GNA15: variants seen among roughly 807,000 people sequenced by gnomAD.
GNA15 encodes guanine nucleotide-binding protein subunit alpha-15.
A neutral mutation model predicts 40.1 loss-of-function variants in GNA15; 23 were observed. That is an observed-to-expected ratio of 0.57 (90% CI 0.41 to 0.81). The LOEUF (loss-of-function observed/expected upper bound fraction) is 0.81, where lower values mean the gene tolerates loss of function less well. Ranked by LOEUF, GNA15 falls within the 40% of genes least tolerant of loss-of-function variation. The pLI, the probability that GNA15 is intolerant of heterozygous loss-of-function variation, is 0.00. For missense variants in GNA15, 522 were observed against 515.8 expected, an observed-to-expected ratio of 1.01 and a Z score of -0.12; for synonymous variants, 226 against 210.4, an observed-to-expected ratio of 1.07 and a Z score of -0.64.
chr19:3,154,146 AGATG>A (rs140018405), intron 4 of GNA15, among the ~76,000 whole-genome samples: 3,452 of 138,536 alleles, frequency 0.025, 148 homozygotes, highest in African/African-American at 0.087. Flanking sequence ...GTGGATGGAT[AGATG>A]GATGGATGGG....
chr19:3,155,674 C>CG lies in GNA15; in HGVS notation c.615-146dup. ...GGGCGTAAGACTCATCCTTGCCTCG[C>CG]GGGAATGACATGGCAAATCCACGAG... is the stretch of plus-strand genomic sequence containing the variant. On this transcript the variant is annotated intron_variant, in intron 4 of 6. Coordinates refer to ENST00000262958, the MANE Select transcript of GNA15 (RefSeq NM_002068.4). The surrounding 1 kb of genome is among the most constrained non-coding windows in gnomAD (Gnocchi z 5.6). 1.1e-6 allele frequency: 1 copy of CG among 872,564 alleles called. No individual in the cohort carries two copies. The allele number at this position is 872,564 out of a possible 1,614,324, so 54.1% of individuals were successfully genotyped here.
rs900295182 is a variant in GNA15 at position 3,163,237 on chromosome 19, C to T, written c.*218C>T. ...GCCCTTGCTTGACTCAGTTTCCCTC[C>T]TTTGAAAGGGAAGGAGCAAAACGGC... is the stretch of plus-strand genomic sequence containing the variant. On this transcript the variant is annotated 3_prime_UTR_variant, in exon 7 of 7. Coordinates refer to ENST00000262958, the MANE Select transcript of GNA15 (RefSeq NM_002068.4). 6.9e-6 allele frequency: 4 copies of T among 576,154 alleles called. No individual in the cohort carries two copies. The highest frequency in any genetic ancestry group is 1.2e-5 in the Non-Finnish European group (4 of 322,478). The allele number at this position is 576,154 out of a possible 1,614,324, so 35.7% of individuals were successfully genotyped here.
intron 6 of GNA15, among the ~76,000 whole-genome samples, chr19:3,160,372 C>T (rs1193550384): frequency 6.6e-6 from 1 of 152,158 alleles, no homozygotes; most frequent in East Asian, 1.9e-4. Flanking sequence ...GCCTCATGAT[C>T]CACAGCCTCT....
At chr19:3,158,195 G>A (rs141559216) in intron 6 of GNA15, among the ~76,000 whole-genome samples, 1 of 152,252 alleles carries the variant, frequency 6.6e-6, no homozygotes. Context: ...CTGTCACCAG[G>A]CTGGAGTGCA....
chr19:3,145,359 A>ATATATATATACTT, intron 1 of GNA15, among the ~76,000 whole-genome samples: 6 of 46,972 alleles, frequency 1.3e-4, no homozygotes, highest in African/African-American at 5.5e-4. Context: ...ATATATATAT[A>ATATATATATACTT]TTTTTTTTTT....
At position 3,163,117 on chromosome 19, in the gene GNA15, G is replaced by T; in HGVS notation, c.*98G>T. 2 of 768,536 alleles carry T rather than the reference G, an allele frequency of 2.6e-6. No individual in the cohort carries two copies. The highest frequency in any genetic ancestry group is 4.4e-6 in the Non-Finnish European group (2 of 452,132). 47.6% of individuals were successfully genotyped at this position (768,536 alleles called of 1,614,324 possible). A position where few individuals can be genotyped will look rare whatever the true frequency, so the allele number is the denominator to read the frequency against. ...GTCCCTGGTCTATCTCTCCAGCCTCGGCCCACACGCAAGGGAGTCGGGGGA... is the reference window on the plus strand; with the variant it reads ...GTCCCTGGTCTATCTCTCCAGCCTCTGCCCACACGCAAGGGAGTCGGGGGA... On this transcript the variant is annotated 3_prime_UTR_variant, in exon 7 of 7. Transcript: ENST00000262958.
chr19:3,150,146 G>T lies in GNA15; in HGVS notation c.346G>T (p.Val116Phe). 1 of 1,613,306 alleles carries T rather than the reference G, an allele frequency of 6.2e-7. No homozygotes were observed. The change falls in exon 3 of 7, where the codon GTC becomes TTC. Residue 116 changes from valine to phenylalanine, a missense_variant. By Grantham distance (50) the Val-to-Phe change is conservative. Coordinates refer to ENST00000262958, the MANE Select transcript of GNA15 (RefSeq NM_002068.4). Reference sequence around the variant, plus strand: ...CCCTCCCCAGCACCACGCTAGCCTGGTCATGAGCCAGGACCCCTATAAAGT... The same window carrying T: ...CCCTCCCCAGCACCACGCTAGCCTGTTCATGAGCCAGGACCCCTATAAAGT... ...RPESKHHASL[V>F]MSQDPYKVTT...
intron 1 of GNA15, among the ~76,000 whole-genome samples, chr19:3,147,720 A>C (rs1314605296): frequency 1.3e-5 from 2 of 151,700 alleles, no homozygotes; most frequent in Admixed American, 6.6e-5. Context: ...CCCCGTCTCT[A>C]CTAAAAATAC....
At chr19:3,154,034 T>C (rs1914943811) in intron 4 of GNA15, among the ~76,000 whole-genome samples, 1 of 143,364 alleles carries the variant, frequency 7.0e-6, no homozygotes, top group Non-Finnish European at 1.5e-5. Flanking sequence ...ATGGGTGGAT[T>C]GAGTAAATGG....
rs1251244136 is a variant in GNA15 at position 3,151,876 on chromosome 19, G to A, written c.614+41G>A. 7 of 1,492,676 alleles carry A rather than the reference G, an allele frequency of 4.7e-6. No homozygotes were observed. In the South Asian group the frequency reaches 6.1e-5, roughly 13 times the overall value. The allele number at this position is 1,492,676 out of a possible 1,614,324, so 92.5% of individuals were successfully genotyped here. On this transcript the variant is annotated intron_variant, in intron 4 of 6. Coordinates refer to ENST00000262958, the MANE Select transcript of GNA15 (RefSeq NM_002068.4). The surrounding 1 kb of genome is among the most constrained non-coding windows in gnomAD (Gnocchi z 5.0). ...AGGCCCAGCCTAGGGGGCAGGGAAG[G>A]CTTCCTGTAGGAAGGGCAAAGGAGC...
At chr19:3,152,399 T>C (rs1914901954) in intron 4 of GNA15, among the ~76,000 whole-genome samples, 1 of 152,096 alleles carries the variant, frequency 6.6e-6, no homozygotes, top group African/African-American at 2.4e-5. Context: ...AAGTCAAAAA[T>C]GACACCTGAG....
rs1914469213 is a variant in GNA15, at chr19:3,136,828, G to C, written c.145+233G>C. 6.6e-6 allele frequency among the ~76,000 whole-genome samples: 1 copy of C among 152,256 alleles called. No homozygotes were observed. Among genetic ancestry groups the C allele is most frequent in the Admixed American group, 6.5e-5 (1 of 15,290 alleles). ...GACCAGCGGCCAGGTGCCCAGGCCT[G>C]TCCACTGTGTGGGGCATATACAATA... On this transcript the variant is annotated intron_variant, in intron 1 of 6. Coordinates refer to ENST00000262958, the MANE Select transcript of GNA15 (RefSeq NM_002068.4). The surrounding 1 kb of genome is among the most constrained non-coding windows in gnomAD (Gnocchi z 4.9).
rs1481168204 is a variant in GNA15, at chr19:3,136,621, G to T, written c.145+26G>T. ...GTGAGTCCAGGGTCGGTGGGCGGTGGGTGGTGGGCAGTGGGCGGTGGCCAG... is the reference window on the plus strand; with the variant it reads ...GTGAGTCCAGGGTCGGTGGGCGGTGTGTGGTGGGCAGTGGGCGGTGGCCAG... On this transcript the variant is annotated intron_variant, in intron 1 of 6. Coordinates refer to ENST00000262958, the MANE Select transcript of GNA15 (RefSeq NM_002068.4). This position sits in a 1 kb window ranked among gnomAD's most constrained non-coding sequence, Gnocchi z 4.9. 2 of 1,542,734 alleles carry T rather than the reference G, an allele frequency of 1.3e-6. No homozygotes were observed. The highest frequency in any genetic ancestry group is 3.9e-5 in the Admixed American group (2 of 50,862).
At position 3,155,715 on chromosome 19, in the gene GNA15, C is replaced by G. The variant is rs1016821333; in HGVS notation, c.615-108C>G. The stretch of plus-strand genomic sequence containing the variant: ...AATCCACGAGAGGCTAGCACCTATT[C>G]TTGCTGTCGCTATTATGGATCTTGG... On this transcript the variant is annotated intron_variant, in intron 4 of 6. Coordinates refer to ENST00000262958, the MANE Select transcript of GNA15 (RefSeq NM_002068.4). The surrounding 1 kb of genome is among the most constrained non-coding windows in gnomAD (Gnocchi z 5.6). 1.3e-5 allele frequency: 17 copies of G among 1,289,922 alleles called. No homozygotes were observed. In the African/African-American group the frequency reaches 2.4e-4, roughly 18 times the overall value. The allele number at this position is 1,289,922 out of a possible 1,614,324, so 79.9% of individuals were successfully genotyped here. A position where few individuals can be genotyped will look rare whatever the true frequency, so the allele number is the denominator to read the frequency against.
At chr19:3,153,992 A>G (rs1363802361) in intron 4 of GNA15, among the ~76,000 whole-genome samples, 1 of 151,040 alleles carries the variant, frequency 6.6e-6, no homozygotes, top group Non-Finnish European at 1.5e-5. Context: ...AGATGGGTGG[A>G]TGGATAGATG....
At chr19:3,144,244 C>G (rs1914646216) in intron 1 of GNA15, among the ~76,000 whole-genome samples, 1 of 152,064 alleles carries the variant, frequency 6.6e-6, no homozygotes, top group African/African-American at 2.4e-5. Flanking sequence ...TCACAATTCC[C>G]TCTGCTACTA....
At position 3,143,432 on chromosome 19, in the gene GNA15, C is replaced by T. The variant is rs554248731; in HGVS notation, c.146-5159C>T. ...TTTGGGAGGCCAAGGCAAGTGGATC[C>T]CTTGAGGCCAGGAGTTCGAGACCAG... On this transcript the variant is annotated intron_variant, in intron 1 of 6. Transcript: ENST00000262958. Among the ~76,000 whole-genome samples the T allele has an allele frequency of 4.0e-5, 6 of 151,582 alleles. No individual in the cohort carries two copies. In the South Asian group the frequency reaches 1.3e-3, roughly 32 times the overall value.
chr19:3,155,498 G>A lies in GNA15; in HGVS notation c.615-325G>A, dbSNP rs571318088. ...TTGGAGATGTTTGGCAATTTCCTCC[G>A]CCGGGTCGCCCAGCCAGCACCAGGG... On this transcript the variant is annotated intron_variant, in intron 4 of 6. Coordinates refer to ENST00000262958, the MANE Select transcript of GNA15 (RefSeq NM_002068.4). The surrounding 1 kb of genome is among the most constrained non-coding windows in gnomAD (Gnocchi z 5.6). Among the ~76,000 whole-genome samples, 1 of 152,230 alleles carries A rather than the reference G, an allele frequency of 6.6e-6. No homozygotes were observed. Among genetic ancestry groups the A allele is most frequent in the Admixed American group, 6.5e-5 (1 of 15,288 alleles).
At chr19:3,150,457 T>TG (rs1914854269) in intron 3 of GNA15, among the ~76,000 whole-genome samples, 172 bp downstream of exon 3, 1 of 151,994 alleles carries the variant, frequency 6.6e-6, no homozygotes, top group Non-Finnish European at 1.5e-5. Context: ...GACCCTGTTC[T>TG]GGGGGTGACC....
Sources: gnomAD v4.1 joint callset for allele counts (sites outside exome capture counted in the v4.1 genomes callset) on GRCh38, gnomAD v4.1.1 for gene constraint, Gnocchi (gnomAD v3.1) non-coding constraint, MANE v1.5 for transcripts, NCBI Gene and HGNC (gene_info 2026-07-23, HGNC 2026-07-21) for gene names.